Variants in BICRA observed in about 807,000 individuals in gnomAD.
BICRA encodes the protein BRD4 interacting chromatin remodeling complex associated protein, also known as BRD4-interacting chromatin-remodeling complex-associated protein.
In BICRA, 31 loss-of-function variants were observed where a neutral mutation model predicts 96.9. The ratio of observed to expected loss-of-function variants is 0.32; its 90% CI spans 0.24 to 0.43. BICRA has a LOEUF of 0.43. BICRA is among the 20% of genes least tolerant of loss of function. BICRA has a pLI of 1.00. For missense variants in BICRA, 2,283 were observed against 2,190.3 expected (o/e 1.04, Z -0.84); for synonymous variants, 1,350 against 1,071.8 (o/e 1.26, Z -5.07).
chr19:47,659,991 G>A (rs1259470844), intron 1 of BICRA, among the ~76,000 whole-genome samples: 6 of 152,122 alleles, frequency 3.9e-5, no homozygotes, highest in South Asian at 4.1e-4. Flanking sequence ...TACTCTGTAC[G>A]TATTGTATGC....
chr19:47,678,868 T>C (rs953595408), intron 5 of BICRA: 5 of 198,262 alleles, frequency 2.5e-5, no homozygotes, highest in Non-Finnish European at 5.0e-5. Flanking sequence ...GCAGGTGGAA[T>C]GTTCTTTTTT....
chr19:47,635,745 A>G (rs1328724600), intron 1 of BICRA, among the ~76,000 whole-genome samples: 1 of 152,182 alleles, frequency 6.6e-6, no homozygotes, highest in Non-Finnish European at 1.5e-5. Flanking sequence ...TTAACACAGT[A>G]AAGGCTCATA....
Position 47,622,491 on chromosome 19 carries a change from G to A in BICRA, c.-108+13323G>A, listed in dbSNP as rs57174052. Among the ~76,000 whole-genome samples the A allele has an allele frequency of 2.9e-4, 42 of 145,428 alleles. No individual in the cohort carries two copies. In the East Asian group the frequency reaches 6.8e-3, roughly 24 times the overall value. ...TGTAATCCCAGCACTTTGGGAGGCTGAGGCGGGCAGATCACGAGGTCAGGA... is the reference window on the plus strand; with the variant it reads ...TGTAATCCCAGCACTTTGGGAGGCTAAGGCGGGCAGATCACGAGGTCAGGA... On this transcript the variant is annotated intron_variant, in intron 1 of 14. Transcript: ENST00000594866.
intron 7 of BICRA, among the ~76,000 whole-genome samples, chr19:47,683,828 C>T (rs1401935802): frequency 6.6e-6 from 1 of 152,224 alleles, no homozygotes; most frequent in Non-Finnish European, 1.5e-5. Context: ...TCGTTATCCA[C>T]CCGCCTCAGC....
rs745719363 is a variant in BICRA at position 47,701,464 on chromosome 19, C to A, written c.3732C>A (p.Thr1244=). The A allele has an allele frequency of 1.9e-6, 3 of 1,564,534 alleles. No homozygotes were observed. In the African/African-American group the frequency reaches 4.1e-5, roughly 21 times the overall value. Residue 1244 remains threonine (T), a synonymous_variant, in exon 15 of 15, where the codon ACC becomes ACA. Transcript: ENST00000594866. This position sits in a 1 kb window ranked among gnomAD's most constrained non-coding sequence, Gnocchi z 5.4. Reference sequence around the variant, plus strand: ...CCCAGCCCCCTCCACACCTGCCCACCAAGCTTGTGATCCGGCACGGCGGGG... The same window carrying A: ...CCCAGCCCCCTCCACACCTGCCCACAAAGCTTGTGATCCGGCACGGCGGGG... ...ASTQPPPHLP[T]KLVIRHGGAG...
Position 47,680,065 on chromosome 19 carries a change from A to T in BICRA, c.895A>T (p.Thr299Ser). ...IQKNLSAAVA[T>S]TLNGNSVFGG... ...GAAGAACCTCTCGGCCGCTGTGGCC[A>T]CCACGCTCAATGGGAACTCTGTGTT... Residue 299 changes from threonine to serine, a missense_variant, in exon 6 of 15, where the codon ACC becomes TCC. Transcript: ENST00000594866. 1 of 1,562,692 alleles carries T rather than the reference A, an allele frequency of 6.4e-7. No homozygotes were observed. Among genetic ancestry groups the T allele is most frequent in the Admixed American group, 1.8e-5 (1 of 54,420 alleles).
chr19:47,667,354 A>G (rs1203700224), intron 1 of BICRA, among the ~76,000 whole-genome samples: 3 of 152,228 alleles, frequency 2.0e-5, no homozygotes, highest in African/African-American at 7.2e-5. Context: ...ATGAAAGCAC[A>G]TGAATACAAA....
rs1488212443 is a variant in BICRA, at chr19:47,680,279, C to G, written c.1109C>G (p.Pro370Arg). The change falls in exon 6 of 15, where the codon CCG becomes CGG. Residue 370 changes from proline (P) to arginine (R), a missense_variant. By Grantham distance (103) the Pro-to-Arg change is moderately radical. Transcript: ENST00000594866. ...PPKLYQLTPK[P>R]FAPAGATLTI... ...AAGCTCTACCAGCTGACGCCCAAGC[C>G]GTTTGCGCCCGCGGGCGCCACGCTC... 4 of 1,559,058 alleles carry G rather than the reference C, an allele frequency of 2.6e-6. No individual in the cohort carries two copies. The highest frequency in any genetic ancestry group is 1.8e-5 in the Admixed American group (1 of 54,684).
At chr19:47,674,786 C>G (rs555181363) in intron 4 of BICRA, among the ~76,000 whole-genome samples, 3 of 152,156 alleles carry the variant, frequency 2.0e-5, no homozygotes. Context: ...AGCTGGCTTC[C>G]CCCAGAACGA....
In BICRA at chr19:47,675,871, G is replaced by A. The variant is rs758937686; in HGVS notation, c.105G>A (p.Leu35=). The change falls in exon 5 of 15, where the codon CTG becomes CTA. Residue 35 remains leucine, a synonymous_variant. Coordinates refer to ENST00000594866, the MANE Select transcript of BICRA (RefSeq NM_001394372.1). The surrounding 1 kb of genome is among the most constrained non-coding windows in gnomAD (Gnocchi z 4.7). ...GSEKLDSDDL[L]DNPGEAQSAF... is the part of the protein sequence containing the mutation. The stretch of plus-strand genomic sequence containing the variant: ...TGCAGCTTGACAGTGATGACCTCCT[G>A]GATAATCCCGGGGAGGCCCAAAGTG... 16 of 1,608,188 alleles carry A rather than the reference G, an allele frequency of 9.9e-6. No homozygotes were observed. The South Asian group carries it at 1.6e-4, about 16-fold the overall frequency.
intron 4 of BICRA, among the ~76,000 whole-genome samples, chr19:47,674,522 C>A (rs1972913421): frequency 6.6e-6 from 1 of 151,652 alleles, no homozygotes; most frequent in Non-Finnish European, 1.5e-5. Context: ...GCAGTGCCTT[C>A]AACAATTGTT....
chr19:47,639,633 T>C (rs1420212983), intron 1 of BICRA, among the ~76,000 whole-genome samples: 1 of 12,136 alleles, frequency 8.2e-5, no homozygotes, highest in Non-Finnish European at 1.4e-4. Context: ...CAGCCAATTT[T>C]TTTTTTTTTT....
chr19:47,655,855 CAAAAAA>C (rs1009237984), intron 1 of BICRA, among the ~76,000 whole-genome samples: 6 of 140,024 alleles, frequency 4.3e-5, no homozygotes, highest in Non-Finnish European at 9.2e-5. Context: ...GACTCCATCT[CAAAAAA>C]AAAATAAAAA....
chr19:47,643,161 G>C (rs1009780526), intron 1 of BICRA, among the ~76,000 whole-genome samples: 1 of 152,214 alleles, frequency 6.6e-6, no homozygotes, highest in Non-Finnish European at 1.5e-5. Context: ...GTAAAGACAA[G>C]GTTTCGCCAT....
At chr19:47,614,241 G>T (rs1971952005) in intron 1 of BICRA, among the ~76,000 whole-genome samples, 1 of 152,186 alleles carries the variant, frequency 6.6e-6, no homozygotes, top group Non-Finnish European at 1.5e-5. Context: ...AGAATCCCTG[G>T]TCCCCTAGCT....
chr19:47,641,070 A>ATTTTTTTTTTTTTTTTT (rs71180861), intron 1 of BICRA, among the ~76,000 whole-genome samples: 1 of 104,526 alleles, frequency 9.6e-6, no homozygotes. Flanking sequence ...TGCCTGGCTA[A>ATTTTTTTTTTTTTTTTT]TTTTTTTTTT....
intron 1 of BICRA, among the ~76,000 whole-genome samples, chr19:47,617,382 G>A (rs1175408005): frequency 6.8e-6 from 1 of 146,522 alleles, no homozygotes; most frequent in Non-Finnish European, 1.5e-5. Context: ...TTATTTTTTT[G>A]AGACAGGCTC....
chr19:47,694,629 C>T lies in BICRA; in HGVS notation c.2798C>T (p.Ala933Val). The change falls in exon 8 of 15, where the codon GCA becomes GTA. Residue 933 changes from alanine (A) to valine (V), a missense_variant. Physicochemically the swap from Ala to Val is moderately conservative, Grantham distance 64. Transcript: ENST00000594866. ...ACCCTCCACCTGGTCCCTGAGCCGG[C>T]AGCACCCCCCCCACCGCCTCCTCGG... ...PPTLHLVPEP[A>V]APPPPPPRTF... The T allele has an allele frequency of 6.4e-7, 1 of 1,568,076 alleles. No homozygotes were observed. The highest frequency in any genetic ancestry group is 8.8e-7 in the Non-Finnish European group (1 of 1,140,902).
At chr19:47,664,504 T>G (rs1020478751) in intron 1 of BICRA, among the ~76,000 whole-genome samples, 3 of 152,152 alleles carry the variant, frequency 2.0e-5, no homozygotes, top group Non-Finnish European at 2.9e-5. Flanking sequence ...CATGGTGCGA[T>G]CTGGGGCAAG....
Sources: gnomAD v4.1 joint callset for allele counts (sites outside exome capture counted in the v4.1 genomes callset) on GRCh38, gnomAD v4.1.1 for gene constraint, Gnocchi (gnomAD v3.1) non-coding constraint, MANE v1.5 for transcripts, NCBI Gene and HGNC (gene_info 2026-07-23, HGNC 2026-07-21) for gene names.